The following METTL13 variants were observed in gnomAD, a reference collection of about 807,000 sequenced individuals.
METTL13 encodes eEF1A lysine and N-terminal methyltransferase.
METTL13 carries 52 observed loss-of-function variants against 67.4 expected under a neutral mutation model. The observed-to-expected ratio is 0.77, with a 90% CI of 0.62 to 0.97. The LOEUF (loss-of-function observed/expected upper bound fraction) is 0.97. METTL13 is among the 50% of genes least tolerant of loss of function. METTL13 has a pLI of 0.00. For missense variants in METTL13, 825 were observed against 889.6 expected (o/e 0.93, Z 0.92); for synonymous variants, 354 against 353.6 (o/e 1.00, Z -0.01).
chr1:171,783,971 A>C lies in METTL13; in HGVS notation c.385A>C (p.Thr129Pro), dbSNP rs746915040. The C allele has an allele frequency of 6.2e-7, 1 of 1,614,198 alleles. No homozygotes were observed. Among genetic ancestry groups the C allele is most frequent in the South Asian group, 1.1e-5 (1 of 91,082 alleles). ...CAAGGGCACCCTGGATGCTGTCCTG[A>C]CAGATGAGGAAGAGAAGACCTTACA... is the stretch of plus-strand genomic sequence containing the variant. ...LDKGTLDAVLTDEEEKTLQQV... is the reference protein window; with the variant it reads ...LDKGTLDAVLPDEEEKTLQQV... The change falls in exon 2 of 8, where the codon ACA becomes CCA. Residue 129 changes from threonine (T) to proline (P), a missense_variant. Physicochemically the swap from Thr to Pro is conservative, Grantham distance 38. Coordinates refer to ENST00000361735, the MANE Select transcript of METTL13 (RefSeq NM_015935.5).
chr1:171,786,138 G>A, intron 3 of METTL13, 60 bp downstream of exon 3: 4 of 1,525,250 alleles, frequency 2.6e-6, no homozygotes, highest in Non-Finnish European at 3.5e-6. Flanking sequence ...AGCCAGGGAG[G>A]CAGAGGGAGC....
intron 5 of METTL13, among the ~76,000 whole-genome samples, chr1:171,791,261 T>G (rs1657195674): frequency 6.6e-6 from 1 of 152,234 alleles, no homozygotes; most frequent in Admixed American, 6.5e-5. Flanking sequence ...GTGGTGGCTG[T>G]GCTCTGTGCT....
rs541143010 is a variant in METTL13 at position 171,790,491 on chromosome 1, C to T, written c.1349C>T (p.Pro450Leu). 23 of 1,609,210 alleles carry T rather than the reference C, an allele frequency of 1.4e-5. No homozygotes were observed. In the East Asian group the frequency reaches 4.7e-4, roughly 33 times the overall value. Residue 450 changes from proline to leucine, a missense_variant, in exon 5 of 8, where the codon CCT becomes CTT. Physicochemically the swap from Pro to Leu is moderately conservative, Grantham distance 98. Coordinates refer to ENST00000361735, the MANE Select transcript of METTL13 (RefSeq NM_015935.5). ...AAAAAGGACAGGAAGAAGCAGCGGCCTGCTGATGCGGAGGACCTCCCTGCA... is the reference window on the plus strand; with the variant it reads ...AAAAAGGACAGGAAGAAGCAGCGGCTTGCTGATGCGGAGGACCTCCCTGCA... ...KRKKDRKKQR[P>L]ADAEDLPAAP...
chr1:171,786,942 G>A (rs1166880091), intron 3 of METTL13, among the ~76,000 whole-genome samples: 1 of 151,766 alleles, frequency 6.6e-6, no homozygotes, highest in Non-Finnish European at 1.5e-5. Flanking sequence ...GGTGCAAATA[G>A]TAACAGATCT....
At chr1:171,793,542 C>T (rs1209239640) in intron 6 of METTL13, among the ~76,000 whole-genome samples, 2 of 152,184 alleles carry the variant, frequency 1.3e-5, no homozygotes, top group Non-Finnish European at 1.5e-5. Context: ...CAGATCTGTG[C>T]TATGAACAAT....
chr1:171,792,282 C>T (rs190140658), intron 6 of METTL13, 47 bp downstream of exon 6: 432 of 1,603,542 alleles, frequency 2.7e-4, no homozygotes, highest in South Asian at 5.0e-4. Flanking sequence ...ATGATTGATG[C>T]GACATTGTCA....
intron 7 of METTL13, among the ~76,000 whole-genome samples, chr1:171,794,836 T>G (rs1657316204): frequency 1.3e-5 from 2 of 152,128 alleles, no homozygotes; most frequent in Non-Finnish European, 2.9e-5. Context: ...TTTTTTTTTT[T>G]TGAGACAGGG....
chr1:171,784,450 C>G lies in METTL13; in HGVS notation c.864C>G (p.Asp288Glu). 2.6e-6 allele frequency: 4 copies of G among 1,512,702 alleles called. No individual in the cohort carries two copies. In the African/African-American group the frequency reaches 4.2e-5, roughly 16 times the overall value. 93.7% of individuals were successfully genotyped at this position (1,512,702 alleles called of 1,614,324 possible). ...CACGCTACACCCTCCACGTGGTGGA[C>G]AGCCCCACTGTGAAACCATCGCGGG... ...GEPRYTLHVVDSPTVKPSRDN... is the reference protein window; with the variant it reads ...GEPRYTLHVVESPTVKPSRDN... The change falls in exon 2 of 8, where the codon GAC (aspartate) becomes GAG (glutamate). Residue 288 changes from aspartate (D) to glutamate (E), a missense_variant. Coordinates refer to ENST00000361735, the MANE Select transcript of METTL13 (RefSeq NM_015935.5).
chr1:171,783,928 G>A lies in METTL13; in HGVS notation c.342G>A (p.Ser114=), dbSNP rs757278425. The A allele has an allele frequency of 1.7e-5, 28 of 1,614,084 alleles. No individual in the cohort carries two copies. Among genetic ancestry groups the A allele is most frequent in the Non-Finnish European group, 1.9e-5 (23 of 1,180,046 alleles). ...CGCAGATGGAGTTTCCTGATGCCTC[G>A]TTCCAGGTGGTGTTGGACAAGGGCA... ...DMTQMEFPDA[S]FQVVLDKGTL... The change falls in exon 2 of 8, where the codon TCG becomes TCA. Residue 114 remains serine (S), a synonymous_variant. Transcript: ENST00000361735.
At chr1:171,789,583 G>A (rs138183245) in intron 4 of METTL13, among the ~76,000 whole-genome samples, 6 of 152,120 alleles carry the variant, frequency 3.9e-5, no homozygotes, top group Admixed American at 6.5e-5. Flanking sequence ...GAATGATAAG[G>A]TTGTTAGAAG....
rs763926574 is a variant in METTL13 at position 171,784,069 on chromosome 1, G to A, written c.483G>A (p.Leu161=). 1.2e-6 allele frequency: 2 copies of A among 1,614,210 alleles called. No individual in the cohort carries two copies. The highest frequency in any genetic ancestry group is 1.7e-6 in the Non-Finnish European group (2 of 1,180,034). The part of the protein sequence containing the change: ...QVGGRYLCIS[L]AQAHILKKAV... ...GCGGTCGCTATCTCTGCATCTCCCT[G>A]GCTCAGGCTCACATCCTGAAGAAAG... Residue 161 remains leucine, a synonymous_variant, in exon 2 of 8, where the codon CTG becomes CTA. Transcript: ENST00000361735.
intron 4 of METTL13, among the ~76,000 whole-genome samples, chr1:171,788,573 A>G (rs1251534048): frequency 1.7e-5 from 2 of 115,568 alleles, no homozygotes; most frequent in Non-Finnish European, 3.9e-5. Context: ...CATCTCTTCT[A>G]GGATCCCTTT....
intron 7 of METTL13, among the ~76,000 whole-genome samples, chr1:171,795,764 C>T (rs1413314045): frequency 1.3e-5 from 2 of 152,220 alleles, no homozygotes; most frequent in Non-Finnish European, 2.9e-5. Flanking sequence ...GTCAAGATAA[C>T]CTCGGCCCTG....
In METTL13 at chr1:171,782,077, A is replaced by G. The variant is rs753216256; in HGVS notation, c.110A>G (p.Glu37Gly). ...KAFEWYGTYL[E>G]LCGVLHKYIK... ...TTCGAGTGGTATGGAACCTACCTGG[A>G]ACTGTGCGGGGTGCTACATAAATAT... The change falls in exon 1 of 8, where the codon GAA becomes GGA. Residue 37 changes from glutamate to glycine, a missense_variant. Glu to Gly is a moderately conservative substitution (Grantham distance 98). Transcript: ENST00000361735. 3 of 1,614,116 alleles carry G rather than the reference A, an allele frequency of 1.9e-6. No individual in the cohort carries two copies. In the South Asian group the frequency reaches 3.3e-5, roughly 18 times the overall value.
At chr1:171,790,665 G>A in intron 5 of METTL13, 49 bp downstream of exon 5, 3 of 1,411,300 alleles carry the variant, frequency 2.1e-6, no homozygotes, top group African/African-American at 1.5e-5. Context: ...AAAGATTACA[G>A]ACCTAAACAA....
chr1:171,781,935 G>A lies in METTL13; in HGVS notation c.-33G>A, dbSNP rs1032342193. On this transcript the variant is annotated 5_prime_UTR_variant, in exon 1 of 8. Transcript: ENST00000361735. ...AAATGGTATCTCACAGGGAATAGGGGAGTCTTGAAAACGCAGCTTCGGCAG... is the reference window on the plus strand; with the variant it reads ...AAATGGTATCTCACAGGGAATAGGGAAGTCTTGAAAACGCAGCTTCGGCAG... 2 of 1,612,962 alleles carry A rather than the reference G, an allele frequency of 1.2e-6. No homozygotes were observed. Among genetic ancestry groups the A allele is most frequent in the Non-Finnish European group, 8.5e-7 (1 of 1,179,388 alleles).
At position 171,796,561 on chromosome 1, in the gene METTL13, C is replaced by T. The variant is rs1279983317; in HGVS notation, c.1905C>T (p.Pro635=). The change falls in exon 8 of 8, where the codon CCC becomes CCT. Residue 635 remains proline, a synonymous_variant. Coordinates refer to ENST00000361735, the MANE Select transcript of METTL13 (RefSeq NM_015935.5). ...SVLAGLKAVF[P]LLYVRRIEGE... is the part of the protein sequence containing the mutation. ...TGGCTGGGCTCAAGGCAGTGTTCCCCCTCCTATATGTCCGGCGAATTGAGG... is the reference window on the plus strand; with the variant it reads ...TGGCTGGGCTCAAGGCAGTGTTCCCTCTCCTATATGTCCGGCGAATTGAGG... The T allele has an allele frequency of 3.1e-6, 5 of 1,614,178 alleles. No homozygotes were observed. The South Asian group carries it at 4.4e-5, about 14-fold the overall frequency.
At position 171,792,187 on chromosome 1, in the gene METTL13, A is replaced by G. The variant is rs990538098; in HGVS notation, c.1645A>G (p.Ile549Val). ...FSQSDRMKVH[I>V]ADGLDYIASL... is the part of the protein sequence containing the mutation. ...CCAGAGTGACCGAATGAAGGTCCAC[A>G]TTGCAGATGGCCTGGACTATATCGC... Residue 549 changes from isoleucine to valine, a missense_variant, in exon 6 of 8, where the codon ATT (isoleucine) becomes GTT (valine). Ile to Val is a conservative substitution (Grantham distance 29). Transcript: ENST00000361735. 1.9e-6 allele frequency: 3 copies of G among 1,614,234 alleles called. No individual in the cohort carries two copies. Among genetic ancestry groups the G allele is most frequent in the Middle Eastern group, 3.3e-4 (2 of 6,040 alleles).
intron 3 of METTL13, among the ~76,000 whole-genome samples, chr1:171,787,057 T>G (rs941335309): frequency 2.0e-5 from 3 of 152,150 alleles, no homozygotes; most frequent in African/African-American, 7.2e-5. Context: ...TGGCCAACTT[T>G]GGGGTTGATG....
Sources: allele counts gnomAD v4.1 joint callset (sites outside exome capture counted in the v4.1 genomes callset), GRCh38; gene constraint gnomAD v4.1.1; transcripts MANE v1.5; gene names NCBI Gene and HGNC (gene_info 2026-07-23, HGNC 2026-07-21).